Variants in COPS6 observed in about 807,000 individuals in gnomAD.
The protein encoded by COPS6 is COP9 signalosome complex subunit 6.
Under a neutral mutation model 41.0 loss-of-function variants are expected in COPS6, and 9 were observed. That is an observed-to-expected ratio of 0.22 (90% CI 0.13 to 0.38). The LOEUF is 0.38. Ranked by LOEUF, COPS6 falls within the 10% of genes least tolerant of loss-of-function variation. The pLI is 1.00. For missense variants in COPS6, 302 were observed against 436.7 expected (o/e 0.69, Z 2.75); for synonymous variants, 179 against 162.9 (o/e 1.10, Z -0.75).
In COPS6 at chr7:100,089,081, G is replaced by T; in HGVS notation, c.76+15G>T. ...GGATGCAGCAGGTAACGGGCCGTGC[G>T]GGGGTGGCTTCCGGAGACCTCCTTC... is the stretch of plus-strand genomic sequence containing the variant. On this transcript the variant is annotated intron_variant, in intron 1 of 9. Transcript: ENST00000303904. The T allele has an allele frequency of 7.1e-7, 1 of 1,418,312 alleles. No homozygotes were observed. 87.9% of individuals were successfully genotyped at this position (1,418,312 alleles called of 1,614,324 possible).
intron 1 of COPS6, 56 bp from the exon 2 acceptor site, chr7:100,089,234 C>T: frequency 1.9e-6 from 3 of 1,577,404 alleles, no homozygotes; most frequent in Non-Finnish European, 2.6e-6. Flanking sequence ...CTGCCATCTC[C>T]AGGGAAGAAC....
intron 5 of COPS6, 24 bp downstream of exon 5, chr7:100,090,678 C>T: frequency 1.9e-6 from 3 of 1,605,850 alleles, no homozygotes; most frequent in Non-Finnish European, 2.6e-6. Context: ...CATGCCTACT[C>T]TGTCATGATT....
Position 100,091,295 on chromosome 7 carries a change from A to G in COPS6, c.707A>G (p.Lys236Arg), listed in dbSNP as rs753564148. The change falls in exon 8 of 10, where the codon AAG becomes AGG. Residue 236 changes from lysine to arginine, a missense_variant. Physicochemically the swap from Lys to Arg is conservative, Grantham distance 26. This residue lies in a region of COPS6 where 222 missense variants were observed against 309.0 expected (regional missense o/e 0.72). Transcript: ENST00000303904. This position sits in a 1 kb window ranked among gnomAD's most constrained non-coding sequence, Gnocchi z 4.1. ...SAIKMLHSRV[K>R]LILEYVKASE... The stretch of plus-strand genomic sequence containing the variant: ...ATCAAGATGCTGCACAGCCGCGTCA[A>G]GCTCATCTTGGAGTACGTCAAGGCC... 1.9e-6 allele frequency: 3 copies of G among 1,614,190 alleles called. No individual in the cohort carries two copies. The highest frequency in any genetic ancestry group is 2.2e-5 in the South Asian group (2 of 91,082).
chr7:100,089,820 G>A, intron 3 of COPS6, 74 bp downstream of exon 3: 2 of 1,451,164 alleles, frequency 1.4e-6, no homozygotes, highest in East Asian at 2.3e-5. Flanking sequence ...AAGATGGAGA[G>A]GGTTGGAAAG....
Position 100,091,289 on chromosome 7 carries a change from GCGTCAAGCTCATCTTGGAGTA to G in COPS6, c.709_729del (p.Leu237_Lys243del). On this transcript the variant is annotated inframe_deletion, in exon 8 of 10. Coordinates refer to ENST00000303904, the MANE Select transcript of COPS6 (RefSeq NM_006833.5). The surrounding 1 kb of genome is among the most constrained non-coding windows in gnomAD (Gnocchi z 4.1). ...AGCGCCATCAAGATGCTGCACAGCC[GCGTCAAGCTCATCTTGGAGTA>G]CGTCAAGGCCTCTGAAGCGGGTAGG... 1 of 1,614,152 alleles carries G rather than the reference GCGTCAAGCTCATCTTGGAGTA, an allele frequency of 6.2e-7. No homozygotes were observed. The highest frequency in any genetic ancestry group is 8.5e-7 in the Non-Finnish European group (1 of 1,180,020).
chr7:100,089,081 G>A lies in COPS6; in HGVS notation c.76+15G>A. On this transcript the variant is annotated intron_variant, in intron 1 of 9. Coordinates refer to ENST00000303904, the MANE Select transcript of COPS6 (RefSeq NM_006833.5). Reference sequence around the variant, plus strand: ...GGATGCAGCAGGTAACGGGCCGTGCGGGGGTGGCTTCCGGAGACCTCCTTC... The same window carrying A: ...GGATGCAGCAGGTAACGGGCCGTGCAGGGGTGGCTTCCGGAGACCTCCTTC... The A allele has an allele frequency of 1.4e-6, 2 of 1,418,312 alleles. No homozygotes were observed. Among genetic ancestry groups the A allele is most frequent in the Non-Finnish European group, 9.2e-7 (1 of 1,085,086 alleles). 87.9% of individuals were successfully genotyped at this position (1,418,312 alleles called of 1,614,324 possible).
chr7:100,091,537 G>A lies in COPS6; in HGVS notation c.843+17G>A. ...TTTTATGATGTGAGTGTAAAACCCG[G>A]ATGGGGAGGCGGGGCTTATGCTGTC... On this transcript the variant is annotated intron_variant, in intron 9 of 9. Transcript: ENST00000303904. This position sits in a 1 kb window ranked among gnomAD's most constrained non-coding sequence, Gnocchi z 4.1. 1 of 1,613,980 alleles carries A rather than the reference G, an allele frequency of 6.2e-7. No homozygotes were observed. The highest frequency in any genetic ancestry group is 8.5e-7 in the Non-Finnish European group (1 of 1,179,822).
chr7:100,089,801 AGGGT>A (rs761113015), intron 3 of COPS6, 55 bp downstream of exon 3: 31 of 1,563,160 alleles, frequency 2.0e-5, no homozygotes, highest in Non-Finnish European at 2.5e-5. Context: ...AAAAATGTAC[AGGGT>A]GGGGAAGATG....
chr7:100,091,840 G>A lies in COPS6; in HGVS notation c.*51G>A. The A allele has an allele frequency of 6.2e-7, 1 of 1,611,166 alleles. No individual in the cohort carries two copies. The highest frequency in any genetic ancestry group is 8.5e-7 in the Non-Finnish European group (1 of 1,177,636). On this transcript the variant is annotated 3_prime_UTR_variant, in exon 10 of 10. Coordinates refer to ENST00000303904, the MANE Select transcript of COPS6 (RefSeq NM_006833.5). This position sits in a 1 kb window ranked among gnomAD's most constrained non-coding sequence, Gnocchi z 4.1. ...CAGGGGTCAGGCAACTATCCCAAAG[G>A]GGAGGGCACTACACTTCCTTGAGAG... is the stretch of plus-strand genomic sequence containing the variant.
intron 5 of COPS6, 102 bp downstream of exon 5, chr7:100,090,756 A>C: frequency 6.9e-7 from 1 of 1,446,574 alleles, no homozygotes; most frequent in Non-Finnish European, 9.7e-7. Flanking sequence ...ACCAGCTGTG[A>C]CTCTGGCTTA....
intron 5 of COPS6, 87 bp downstream of exon 5, chr7:100,090,741 C>T (rs1795303091): frequency 1.4e-6 from 2 of 1,464,958 alleles, no homozygotes; most frequent in Non-Finnish European, 1.9e-6. Flanking sequence ...TGCCAGATGC[C>T]ACTTACCAGC....
rs201795640 is a variant in COPS6 at position 100,090,392 on chromosome 7, C to T, written c.335-7C>T. On this transcript the variant is annotated splice_region_variant and splice_polypyrimidine_tract_variant and intron_variant, in intron 3 of 9. Transcript: ENST00000303904. ...ATTACTATATGTTCTGGCCCCTTCC[C>T]CTCTAGTTAAACAGGTGTTCAAGGA... 3.5e-5 allele frequency: 57 copies of T among 1,608,506 alleles called. No individual in the cohort carries two copies. In the East Asian group the frequency reaches 9.6e-4, roughly 27 times the overall value.
rs761950993 is a variant in COPS6, at chr7:100,091,029, G to C, written c.535-9G>C. On this transcript the variant is annotated splice_polypyrimidine_tract_variant and intron_variant, in intron 6 of 9. Transcript: ENST00000303904. The surrounding 1 kb of genome is among the most constrained non-coding windows in gnomAD (Gnocchi z 4.1). ...TGATTCTCCCTTTGTGGGTTACCTT[G>C]CCCTGTAGGCCACAATGCTGTTTGC... The C allele has an allele frequency of 2.5e-6, 4 of 1,614,130 alleles. No individual in the cohort carries two copies. The highest frequency in any genetic ancestry group is 3.4e-6 in the Non-Finnish European group (4 of 1,179,976).
chr7:100,090,309 C>G, intron 3 of COPS6, 90 bp from the exon 4 acceptor site: 2 of 927,074 alleles, frequency 2.2e-6, no homozygotes. Flanking sequence ...GATCATGCCA[C>G]TGCACTCCAG....
rs1342745850 is a variant in COPS6 at position 100,091,792 on chromosome 7, A to T, written c.*3A>T. ...GAATGCGCGGGCTCTTTTTCTGATG[A>T]GGGTACTTGAAGGGCTGATGGACAG... is the stretch of plus-strand genomic sequence containing the variant. On this transcript the variant is annotated 3_prime_UTR_variant, in exon 10 of 10. Coordinates refer to ENST00000303904, the MANE Select transcript of COPS6 (RefSeq NM_006833.5). The surrounding 1 kb of genome is among the most constrained non-coding windows in gnomAD (Gnocchi z 4.1). The T allele has an allele frequency of 6.2e-7, 1 of 1,614,078 alleles. No homozygotes were observed. The highest frequency in any genetic ancestry group is 2.2e-5 in the East Asian group (1 of 44,900).
chr7:100,091,876 C>T lies in COPS6; in HGVS notation c.*87C>T. ...ACACTTCCTTGAGAGAAACCGCTGT[C>T]ATTAATAAAAGGGGAGCAGCCCCTG... On this transcript the variant is annotated 3_prime_UTR_variant, in exon 10 of 10. Transcript: ENST00000303904. This position sits in a 1 kb window ranked among gnomAD's most constrained non-coding sequence, Gnocchi z 4.1. The T allele has an allele frequency of 6.4e-7, 1 of 1,561,072 alleles. No homozygotes were observed. The highest frequency in any genetic ancestry group is 1.4e-5 in the African/African-American group (1 of 73,868).
Position 100,091,946 on chromosome 7 carries a change from G to A in COPS6, c.*157G>A, listed in dbSNP as rs1584480463. 1 of 897,796 alleles carries A rather than the reference G, an allele frequency of 1.1e-6. No individual in the cohort carries two copies. The highest frequency in any genetic ancestry group is 1.7e-6 in the Non-Finnish European group (1 of 599,646). 55.6% of individuals were successfully genotyped at this position (897,796 alleles called of 1,614,324 possible). Reference sequence around the variant, plus strand: ...CTGTCCTCTGTTAGGCACCACACTGGTTGGTCAACTTGGATGTTCATCGAG... The same window carrying A: ...CTGTCCTCTGTTAGGCACCACACTGATTGGTCAACTTGGATGTTCATCGAG... On this transcript the variant is annotated 3_prime_UTR_variant, in exon 10 of 10. Transcript: ENST00000303904. The surrounding 1 kb of genome is among the most constrained non-coding windows in gnomAD (Gnocchi z 4.1).
chr7:100,090,505 T>G lies in COPS6; in HGVS notation c.423+18T>G. ...ATAAGCAGGTATGCATGCTCACACC[T>G]GTGCATGCTGGGGCAGAGAATGGAG... On this transcript the variant is annotated intron_variant, in intron 4 of 9. Transcript: ENST00000303904. The G allele has an allele frequency of 1.2e-6, 2 of 1,612,714 alleles. No homozygotes were observed. Among genetic ancestry groups the G allele is most frequent in the Non-Finnish European group, 1.7e-6 (2 of 1,178,744 alleles).
rs1448622232 is a variant in COPS6, at chr7:100,089,389, G to A, written c.176G>A (p.Arg59His). The A allele has an allele frequency of 6.2e-7, 1 of 1,614,000 alleles. No homozygotes were observed. The highest frequency in any genetic ancestry group is 8.5e-7 in the Non-Finnish European group (1 of 1,180,018). ...LNISDHWIRM[R>H]SQEGRPVQVI... ...ATCTCAGACCACTGGATCCGCATGC[G>A]CTCCCAGGAGGGGCGGCCTGTGCAG... The change falls in exon 2 of 10, where the codon CGC (arginine) becomes CAC (histidine). Residue 59 changes from arginine to histidine, a missense_variant. Arg to His is a conservative substitution (Grantham distance 29). Around this residue, in one of 3 missense-constraint regions of COPS6, gnomAD observed 76 missense variants for 97.9 expected, o/e 0.78. Coordinates refer to ENST00000303904, the MANE Select transcript of COPS6 (RefSeq NM_006833.5).
Sources: gnomAD v4.1 joint callset for allele counts on GRCh38, gnomAD v4.1.1 for gene constraint, gnomAD v4.1.1 regional missense constraint, Gnocchi (gnomAD v3.1) non-coding constraint, MANE v1.5 for transcripts, NCBI Gene and HGNC (gene_info 2026-07-23, HGNC 2026-07-21) for gene names.